Variants in RIOX2 observed in about 807,000 individuals in gnomAD.
The protein encoded by RIOX2 is ribosomal oxygenase 2.
A neutral mutation model predicts 51.2 loss-of-function variants in RIOX2; 43 were observed. The observed-to-expected ratio is 0.84, with a 90% CI of 0.66 to 1.08. RIOX2 has a LOEUF of 1.08. RIOX2 is among the 50% of genes least tolerant of loss of function. The pLI is 0.00. For missense variants in RIOX2, 566 were observed against 561.7 expected (o/e 1.01, Z -0.08); for synonymous variants, 226 against 218.5 (o/e 1.03, Z -0.30).
Position 97,944,187 on chromosome 3 carries a change from C to CATCTCTTTA in RIOX2, c.*988_*996dup, listed in dbSNP as rs1340184932. The stretch of plus-strand genomic sequence containing the variant: ...AGTAGCATTTGAACCTTGACCTTAC[C>CATCTCTTTA]ATCTCTTTAAGTAAACGTGGAGTTG... On this transcript the variant is annotated 3_prime_UTR_variant, in exon 10 of 10. Coordinates refer to ENST00000394198, the MANE Select transcript of RIOX2 (RefSeq NM_153182.4). The CATCTCTTTA allele has an allele frequency of 6.6e-6, 1 of 151,484 alleles. No individual in the cohort carries two copies. The highest frequency in any genetic ancestry group is 1.5e-5 in the Non-Finnish European group (1 of 67,818). The allele number at this position is 151,484 out of a possible 1,614,324, so 9.4% of individuals were successfully genotyped here. A position where few individuals can be genotyped will look rare whatever the true frequency, so the allele number is the denominator to read the frequency against.
At chr3:97,945,672 A>T in intron 9 of RIOX2, 126 bp downstream of exon 9, 1 of 703,366 alleles carries the variant, frequency 1.4e-6, no homozygotes, top group Non-Finnish European at 2.4e-6. Context: ...CTCTGTGAGT[A>T]GTGCAAAATG....
intron 3 of RIOX2, 146 bp from the exon 4 acceptor site, chr3:97,959,325 T>TC (rs1437326068): frequency 2.4e-6 from 2 of 830,690 alleles, no homozygotes. Context: ...TTTTTTTTTT[T>TC]TTTTTAGTTG....
At position 97,945,436 on chromosome 3, in the gene RIOX2, T is replaced by G. The variant is rs368097931; in HGVS notation, c.1240-94A>C. On this transcript the variant is annotated intron_variant, in intron 9 of 9. Coordinates refer to ENST00000394198, the MANE Select transcript of RIOX2 (RefSeq NM_153182.4). ...TAAATTTATTCTCCATACATCATTA[T>G]TTTTGATACCCCTCATGAGTATTTT... The G allele has an allele frequency of 2.7e-4, 299 of 1,111,014 alleles. 2 individuals are homozygous for G. In the African/African-American group the frequency reaches 4.1e-3, roughly 15 times the overall value. 68.8% of individuals were successfully genotyped at this position (1,111,014 alleles called of 1,614,324 possible). A position where few individuals can be genotyped will look rare whatever the true frequency, so the allele number is the denominator to read the frequency against.
chr3:97,961,464 C>A, intron 3 of RIOX2, 125 bp downstream of exon 3: 1 of 1,038,086 alleles, frequency 9.6e-7, no homozygotes, highest in South Asian at 2.8e-5. Flanking sequence ...AGAAACTGCA[C>A]AGAAAGAGCG....
rs146811370 is a variant in RIOX2, at chr3:97,954,658, G to C, written c.682-163C>G. On this transcript the variant is annotated intron_variant, in intron 4 of 9. Coordinates refer to ENST00000394198, the MANE Select transcript of RIOX2 (RefSeq NM_153182.4). ...GCTGGGCTCATGTCGTGTGCAGCTA[G>C]TCTAGCTTCTCTGTGTCCGTGAGCC... Among the ~76,000 whole-genome samples, 632 of 152,170 alleles carry C rather than the reference G, an allele frequency of 4.2e-3. 6 individuals are homozygous for C. Among genetic ancestry groups the C allele is most frequent in the African/African-American group, 0.015 (611 of 41,528 alleles).
intron 2 of RIOX2, among the ~76,000 whole-genome samples, chr3:97,966,659 G>A (rs1705902954): frequency 6.6e-6 from 1 of 152,192 alleles, no homozygotes; most frequent in Non-Finnish European, 1.5e-5. Context: ...TGTTATTAAG[G>A]GTGAAGTCTC....
intron 3 of RIOX2, among the ~76,000 whole-genome samples, 171 bp from the exon 4 acceptor site, chr3:97,959,350 A>T (rs1320170101): frequency 4.7e-5 from 6 of 126,652 alleles, no homozygotes; most frequent in African/African-American, 1.8e-4. Flanking sequence ...AGACAGTCTC[A>T]TTCTCCTGGC....
At chr3:97,959,451 G>C (rs922236595) in intron 3 of RIOX2, among the ~76,000 whole-genome samples, 13 of 151,764 alleles carry the variant, frequency 8.6e-5, no homozygotes, top group Non-Finnish European at 1.5e-4. Context: ...TTCCTGTGTA[G>C]TTGGGAAGCT....
Position 97,945,076 on chromosome 3 carries a change from T to C in RIOX2, c.*108A>G. 1 of 982,846 alleles carries C rather than the reference T, an allele frequency of 1.0e-6. No homozygotes were observed. The highest frequency in any genetic ancestry group is 1.4e-6 in the Non-Finnish European group (1 of 690,254). 60.9% of individuals were successfully genotyped at this position (982,846 alleles called of 1,614,324 possible). A position where few individuals can be genotyped will look rare whatever the true frequency, so the allele number is the denominator to read the frequency against. On this transcript the variant is annotated 3_prime_UTR_variant, in exon 10 of 10. Coordinates refer to ENST00000394198, the MANE Select transcript of RIOX2 (RefSeq NM_153182.4). ...AACAGGGAGGTCTCATGTTTGTTAG[T>C]AGATACGCAGGTAAGGAAACTTGAA...
At chr3:97,961,175 A>C (rs115489565) in intron 3 of RIOX2, among the ~76,000 whole-genome samples, 209 of 152,324 alleles carry the variant, frequency 1.4e-3, no homozygotes, top group African/African-American at 4.7e-3. Context: ...TCACAAATGG[A>C]AAATATATAC....
At chr3:97,967,080 C>T (rs1372785697) in intron 2 of RIOX2, 82 bp downstream of exon 2, 21 of 1,426,488 alleles carry the variant, frequency 1.5e-5, no homozygotes, top group East Asian at 2.3e-5. Context: ...CATCAAACTA[C>T]GTATTCACCC....
At chr3:97,958,959 C>T (rs1026610212) in intron 4 of RIOX2, 92 bp downstream of exon 4, 7 of 1,387,230 alleles carry the variant, frequency 5.0e-6, no homozygotes, top group East Asian at 5.2e-5. Context: ...GACCATCACA[C>T]GAACTCTAAA....
intron 1 of RIOX2, among the ~76,000 whole-genome samples, 195 bp from the exon 2 acceptor site, chr3:97,967,827 C>A (rs1021964139): frequency 1.3e-5 from 2 of 152,184 alleles, no homozygotes; most frequent in Non-Finnish European, 2.9e-5. Flanking sequence ...TCAAGCTCAA[C>A]CACCACTCAG....
chr3:97,946,370 A>G (rs1415912737), intron 8 of RIOX2, among the ~76,000 whole-genome samples: 1 of 151,764 alleles, frequency 6.6e-6, no homozygotes, highest in African/African-American at 2.4e-5. Flanking sequence ...CTCCATTTCA[A>G]TTACACTACC....
In RIOX2 at chr3:97,949,817, C is replaced by T. The variant is rs566784256; in HGVS notation, c.1060+27G>A. On this transcript the variant is annotated intron_variant, in intron 7 of 9. Transcript: ENST00000394198. ...TAAACATCCTGCATTAGCCTCTGAC[C>T]ACCCAGAAGAAAACAGCAAGCTCCA... 9.3e-6 allele frequency: 15 copies of T among 1,605,706 alleles called. No individual in the cohort carries two copies. The Admixed American group carries it at 1.2e-4, about 13-fold the overall frequency.
intron 2 of RIOX2, among the ~76,000 whole-genome samples, chr3:97,965,457 A>G (rs1363962609): frequency 6.6e-6 from 1 of 151,500 alleles, no homozygotes; most frequent in African/African-American, 2.4e-5. Flanking sequence ...GGTTGCAGTG[A>G]GCCGAGATCG....
At chr3:97,947,944 A>G (rs774498116) in intron 7 of RIOX2, among the ~76,000 whole-genome samples, 3 of 152,200 alleles carry the variant, frequency 2.0e-5, no homozygotes, top group Admixed American at 6.5e-5. Flanking sequence ...CCATCTAATA[A>G]AGTCCACAGA....
Position 97,950,814 on chromosome 3 carries a change from C to A in RIOX2, c.860G>T (p.Arg287Leu). 1 of 1,613,662 alleles carries A rather than the reference C, an allele frequency of 6.2e-7. No individual in the cohort carries two copies. Among genetic ancestry groups the A allele is most frequent in the African/African-American group, 1.3e-5 (1 of 74,974 alleles). Reference protein sequence around the residue: ...FDTAKEDVELRTGIPRQLLLQ... With the variant: ...FDTAKEDVELLTGIPRQLLLQ... ...GAGCAGCTGCCGGGGTATGCCGGTC[C>A]GTAACTCCACGTCTTCCTTTGCAGT... is the stretch of plus-strand genomic sequence containing the variant. Residue 287 changes from arginine to leucine, a missense_variant, in exon 6 of 10, where the codon CGG (arginine) becomes CTG (leucine). By Grantham distance (102) the Arg-to-Leu change is moderately radical. Transcript: ENST00000394198.
At position 97,943,374 on chromosome 3, in the gene RIOX2, T is replaced by C. The variant is rs1333536772; in HGVS notation, c.*1810A>G. On this transcript the variant is annotated 3_prime_UTR_variant, in exon 10 of 10. Coordinates refer to ENST00000394198, the MANE Select transcript of RIOX2 (RefSeq NM_153182.4). ...AGCAAAGAAGGAAACACATCTGTCA[T>C]TGTCTTGTGGACGTGGAAAGGAAGC... 8.2e-6 allele frequency: 8 copies of C among 972,882 alleles called. No homozygotes were observed. The highest frequency in any genetic ancestry group is 1.6e-5 in the African/African-American group (1 of 61,192). The allele number at this position is 972,882 out of a possible 1,614,324, so 60.3% of individuals were successfully genotyped here. A position where few individuals can be genotyped will look rare whatever the true frequency, so the allele number is the denominator to read the frequency against.
Sources: gnomAD v4.1 joint callset for allele counts (sites outside exome capture counted in the v4.1 genomes callset) on GRCh38, gnomAD v4.1.1 for gene constraint, MANE v1.5 for transcripts, NCBI Gene and HGNC (gene_info 2026-07-23, HGNC 2026-07-21) for gene names.